The following FRMD4B variants were observed in gnomAD, a reference collection of about 807,000 sequenced individuals.
FRMD4B encodes FERM domain containing 4B, also known as FERM domain-containing protein 4B.
In FRMD4B, 74 loss-of-function variants were observed where a neutral mutation model predicts 141.5. That is an observed-to-expected ratio of 0.52 (90% CI 0.43 to 0.63). FRMD4B has a LOEUF of 0.63. Among genes scored for constraint, FRMD4B ranks in the 30% least tolerant of loss-of-function variants. FRMD4B has a pLI of 0.00. For missense variants in FRMD4B, 1,366 were observed against 1,253.4 expected, an observed-to-expected ratio of 1.09 and a Z score of -1.36; for synonymous variants, 506 against 467.9, an observed-to-expected ratio of 1.08 and a Z score of -1.05.
intron 11 of FRMD4B, among the ~76,000 whole-genome samples, chr3:69,203,893 A>C (rs2092996753): frequency 1.3e-5 from 2 of 152,228 alleles, no homozygotes; most frequent in Admixed American, 6.5e-5. Flanking sequence ...TCTGGATCCC[A>C]CATCTTTCCA....
chr3:69,200,234 C>A (rs1167724319), intron 11 of FRMD4B: 2 of 167,148 alleles, frequency 1.2e-5, no homozygotes, highest in South Asian at 3.9e-4. Context: ...TCAGACTGGA[C>A]CCCCCAATTC....
chr3:69,346,149 A>G (rs1488647683), intron 1 of FRMD4B, among the ~76,000 whole-genome samples: 1 of 152,116 alleles, frequency 6.6e-6, no homozygotes, highest in Non-Finnish European at 1.5e-5. Flanking sequence ...GACCTGATGG[A>G]GCTGAAAACC....
At chr3:69,292,198 C>T (rs116569342) in intron 4 of FRMD4B, among the ~76,000 whole-genome samples, 141 of 152,290 alleles carry the variant, frequency 9.3e-4, no homozygotes, top group African/African-American at 3.3e-3. Flanking sequence ...AGGCAATTAA[C>T]TCAGCTTATG....
intron 5 of FRMD4B, among the ~76,000 whole-genome samples, chr3:69,266,077 C>T (rs1247161712): frequency 1.3e-5 from 2 of 151,920 alleles, no homozygotes; most frequent in African/African-American, 4.8e-5. Context: ...TGGCATGCAC[C>T]TGTAGTCCCA....
intron 11 of FRMD4B, among the ~76,000 whole-genome samples, chr3:69,202,298 T>A (rs1248230348): frequency 2.6e-5 from 4 of 152,158 alleles, no homozygotes; most frequent in Non-Finnish European, 5.9e-5. Flanking sequence ...AAGCTAAGTA[T>A]GCTTCCCATT....
rs186088824 is a variant in FRMD4B, at chr3:69,466,242, G to A, written c.-128-33481C>T. On this transcript the variant is annotated intron_variant, in intron 1 of 5. Transcript: ENST00000459638. ...TGCCCACTTTTTGATGGGGTTGTTT[G>A]TTTTTTTCTTGTAAATTTGTTTAAG... 1.5e-4 allele frequency among the ~76,000 whole-genome samples: 23 copies of A among 152,048 alleles called. No homozygotes were observed. In the East Asian group the frequency reaches 4.3e-3, roughly 28 times the overall value.
At chr3:69,475,292 C>G (rs9873983) in intron 1 of FRMD4B, among the ~76,000 whole-genome samples, 94,467 of 151,350 alleles carry the variant, frequency 0.62, 30,628 homozygotes, top group African/African-American at 0.81. Context: ...TGCCATGCTG[C>G]TGTGCTGCAC....
chr3:69,411,366 A>G (rs1704758489), intron 2 of FRMD4B, among the ~76,000 whole-genome samples: 1 of 152,218 alleles, frequency 6.6e-6, no homozygotes, highest in South Asian at 2.1e-4. Flanking sequence ...CAAAAATACA[A>G]TTAACCACCC....
intron 1 of FRMD4B, among the ~76,000 whole-genome samples, chr3:69,465,366 A>T (rs904577326): frequency 6.6e-6 from 1 of 151,664 alleles, no homozygotes; most frequent in African/African-American, 2.4e-5. Context: ...TCCATGAGAC[A>T]TTTAGGTTAG....
chr3:69,349,727 G>A (rs1444553395), intron 1 of FRMD4B, among the ~76,000 whole-genome samples: 1 of 152,174 alleles, frequency 6.6e-6, no homozygotes, highest in Non-Finnish European at 1.5e-5. Flanking sequence ...ATGGGGAAAG[G>A]ATTCCCTATT....
At chr3:69,285,236 T>C (rs78689308) in intron 5 of FRMD4B, among the ~76,000 whole-genome samples, 9,748 of 133,832 alleles carry the variant, frequency 0.073, 407 homozygotes, top group South Asian at 0.11. Context: ...GCAGATTAGA[T>C]TGCAAAAAAC....
chr3:69,450,509 T>G (rs1705477830), intron 1 of FRMD4B, among the ~76,000 whole-genome samples: 1 of 152,140 alleles, frequency 6.6e-6, no homozygotes, highest in Non-Finnish European at 1.5e-5. Flanking sequence ...TCCCAGCACT[T>G]TGGGCGGCCA....
intron 1 of FRMD4B, among the ~76,000 whole-genome samples, chr3:69,349,898 C>A (rs988287499): frequency 7.9e-5 from 12 of 152,124 alleles, no homozygotes; most frequent in African/African-American, 2.9e-4. Flanking sequence ...CAATACCATT[C>A]AGGACATAGG....
chr3:69,210,950 T>C (rs568120190), intron 11 of FRMD4B, among the ~76,000 whole-genome samples: 2 of 146,266 alleles, frequency 1.4e-5, no homozygotes, highest in Admixed American at 7.2e-5. Flanking sequence ...GAAGCAGGGG[T>C]TGCAGTGAGC....
At chr3:69,304,238 C>A (rs1158720849) in intron 3 of FRMD4B, among the ~76,000 whole-genome samples, 5 of 150,930 alleles carry the variant, frequency 3.3e-5, no homozygotes, top group Admixed American at 6.6e-5. Context: ...CACTTTGGCA[C>A]TTTGGGAGGC....
intron 1 of FRMD4B, among the ~76,000 whole-genome samples, chr3:69,455,379 A>G (rs1705580856): frequency 6.6e-6 from 1 of 152,248 alleles, no homozygotes; most frequent in South Asian, 2.1e-4. Context: ...TATGAGCTGT[A>G]ACACTCACGG....
intron 5 of FRMD4B, among the ~76,000 whole-genome samples, chr3:69,265,603 A>G (rs1035623286): frequency 2.0e-5 from 3 of 150,804 alleles, no homozygotes; most frequent in African/African-American, 7.3e-5. Context: ...GCCCACCACC[A>G]AGCCCGGCTA....
In FRMD4B at chr3:69,209,966, A is replaced by C. The variant is rs9809129; in HGVS notation, c.876+6297T>G. The stretch of plus-strand genomic sequence containing the variant: ...CTGTGCTTAAAGAAATAACCAAGTC[A>C]CTGTCTTTAAATAAAATAACCTTGT... On this transcript the variant is annotated intron_variant, in intron 11 of 22. Transcript: ENST00000398540. 3.9e-5 allele frequency among the ~76,000 whole-genome samples: 6 copies of C among 152,132 alleles called. 1 individual carries two copies. Among genetic ancestry groups the C allele is most frequent in the African/African-American group, 1.4e-4 (6 of 41,488 alleles).
At chr3:69,287,954 T>G (rs1329608736) in intron 4 of FRMD4B, 118 bp from the exon 5 acceptor site, 1 of 594,246 alleles carries the variant, frequency 1.7e-6, no homozygotes, top group African/African-American at 1.9e-5. Context: ...AGGTTGTGCT[T>G]TCTTTTCCGT....
Sources: gnomAD v4.1 joint callset for allele counts (sites outside exome capture counted in the v4.1 genomes callset) on GRCh38, gnomAD v4.1.1 for gene constraint, MANE v1.5 for transcripts, NCBI Gene and HGNC (gene_info 2026-07-23, HGNC 2026-07-21) for gene names.